UIMC1: variants seen among roughly 807,000 people sequenced by gnomAD.
The protein encoded by UIMC1 is BRCA1-A complex subunit RAP80.
Under a neutral mutation model 84.9 loss-of-function variants are expected in UIMC1, and 42 were observed. That is an observed-to-expected ratio of 0.49 (90% CI 0.39 to 0.64). The LOEUF (loss-of-function observed/expected upper bound fraction) is 0.64, where lower values mean the gene tolerates loss of function less well. Among genes scored for constraint, UIMC1 ranks in the 30% least tolerant of loss-of-function variants. The probability of loss-of-function intolerance (pLI) is 0.00; values close to 1 mark genes in which losing one functional copy is unlikely to be tolerated. For missense variants in UIMC1, 825 were observed against 847.6 expected, an observed-to-expected ratio of 0.97 and a Z score of 0.33; for synonymous variants, 281 against 293.0, an observed-to-expected ratio of 0.96 and a Z score of 0.42.
chr5:176,916,644 C>G (rs2149399714), intron 10 of UIMC1, among the ~76,000 whole-genome samples: 1 of 152,306 alleles, frequency 6.6e-6, no homozygotes, highest in South Asian at 2.1e-4. Flanking sequence ...CCACAGAAAG[C>G]ACTCAGTAAA....
chr5:177,019,140 G>A (rs1248262052), intron 1 of UIMC1, among the ~76,000 whole-genome samples: 1 of 152,174 alleles, frequency 6.6e-6, no homozygotes, highest in East Asian at 1.9e-4. Context: ...TTTTAGGCTG[G>A]TCATCTGGTT....
At chr5:176,921,963 T>C (rs557737166) in intron 10 of UIMC1, among the ~76,000 whole-genome samples, 7 of 152,310 alleles carry the variant, frequency 4.6e-5, no homozygotes, top group Non-Finnish European at 8.8e-5. Flanking sequence ...TCTAATTCAG[T>C]CATTGTGTCT....
rs369121073 is a variant in UIMC1 at position 176,984,816 on chromosome 5, A to G, written c.-8-2193T>C. ...CCCCCAACCCCGTGCTCTCTGAAAC[A>G]TGTGCTGTGTCAACTCAGGGTTAAA... On this transcript the variant is annotated intron_variant, in intron 1 of 14. Coordinates refer to ENST00000511320, the MANE Select transcript of UIMC1 (RefSeq NM_001199298.2). Among the ~76,000 whole-genome samples the G allele has an allele frequency of 8.2e-3, 1,252 of 152,336 alleles. 22 individuals are homozygous for G. Among genetic ancestry groups the G allele is most frequent in the South Asian group, 0.067 (325 of 4,822 alleles).
rs189663571 is a variant in UIMC1, at chr5:176,943,879, A to G, written c.1444-391T>C. On this transcript the variant is annotated intron_variant, in intron 9 of 14. Coordinates refer to ENST00000511320, the MANE Select transcript of UIMC1 (RefSeq NM_001199298.2). The stretch of plus-strand genomic sequence containing the variant: ...TGTAAAACAGTAAAGCAATTTGCAA[A>G]GTCACAGAACAAGTAAGTGGGAGTG... 1.3e-3 allele frequency among the ~76,000 whole-genome samples: 195 copies of G among 152,340 alleles called. 1 individual carries two copies. Among genetic ancestry groups the G allele is most frequent in the Non-Finnish European group, 1.0e-3 (70 of 68,040 alleles).
At chr5:176,986,070 A>G (rs1346947668) in intron 1 of UIMC1, among the ~76,000 whole-genome samples, 1 of 145,498 alleles carries the variant, frequency 6.9e-6, no homozygotes, top group African/African-American at 2.5e-5. Flanking sequence ...TATGCAACGT[A>G]TTTTTTTTTT....
At chr5:176,908,180 G>A (rs1759651760) in intron 12 of UIMC1, among the ~76,000 whole-genome samples, 1 of 151,652 alleles carries the variant, frequency 6.6e-6, no homozygotes, top group Non-Finnish European at 1.5e-5. Flanking sequence ...AGAGAAGGGG[G>A]GAGAGGGAGA....
chr5:176,984,900 T>C (rs1030144350), intron 1 of UIMC1, among the ~76,000 whole-genome samples: 2 of 152,158 alleles, frequency 1.3e-5, no homozygotes, highest in Non-Finnish European at 2.9e-5. Flanking sequence ...GCAGCATGCT[T>C]GTTAAGAGTC....
intron 2 of UIMC1, 87 bp from the exon 3 acceptor site, chr5:176,975,567 G>A (rs1377417662): frequency 8.0e-7 from 1 of 1,256,978 alleles, no homozygotes; most frequent in East Asian, 2.3e-5. Context: ...GGCTAAGAGA[G>A]GCCTCTGAGG....
chr5:176,950,545 G>A (rs979515706), intron 9 of UIMC1, among the ~76,000 whole-genome samples: 1 of 151,636 alleles, frequency 6.6e-6, no homozygotes, highest in Non-Finnish European at 1.5e-5. Flanking sequence ...GGAATTCCAG[G>A]TAAACTGTTT....
chr5:176,942,745 TAAAAA>T (rs1044619072), intron 10 of UIMC1, among the ~76,000 whole-genome samples: 3 of 76,130 alleles, frequency 3.9e-5, no homozygotes, highest in South Asian at 4.0e-4. Flanking sequence ...GACTCCGTCT[TAAAAA>T]AAAAAAAAAA....
intron 1 of UIMC1, among the ~76,000 whole-genome samples, chr5:177,002,427 C>T (rs971944556): frequency 5.3e-5 from 8 of 152,220 alleles, no homozygotes; most frequent in Non-Finnish European, 1.2e-4. Context: ...GGTACTTACA[C>T]GGGTGTACAC....
In UIMC1 at chr5:176,943,329, C is replaced by G. The variant is rs757983875; in HGVS notation, c.1597+6G>C. 1 of 1,613,460 alleles carries G rather than the reference C, an allele frequency of 6.2e-7. No homozygotes were observed. The highest frequency in any genetic ancestry group is 2.2e-5 in the East Asian group (1 of 44,846). On this transcript the variant is annotated splice_donor_region_variant and intron_variant, in intron 10 of 14. Transcript: ENST00000511320. ...TAAGAGTTTGGCTGTCCTGCTGGGT[C>G]TTTACCTGTATCTTCCTCCATCAGA...
At position 176,907,104 on chromosome 5, in the gene UIMC1, G is replaced by A; in HGVS notation, c.1912+10C>T. On this transcript the variant is annotated intron_variant, in intron 13 of 14. Transcript: ENST00000511320. ...GCAGAAGCCCAGAAAACTGGTCCTGGGGTCCTCACCTGAAGTCTTGTGCTC... is the reference window on the plus strand; with the variant it reads ...GCAGAAGCCCAGAAAACTGGTCCTGAGGTCCTCACCTGAAGTCTTGTGCTC... 1.9e-6 allele frequency: 3 copies of A among 1,613,554 alleles called. No homozygotes were observed. The highest frequency in any genetic ancestry group is 1.7e-6 in the Non-Finnish European group (2 of 1,179,758).
rs1291326383 is a variant in UIMC1, at chr5:176,969,295, T to C, written c.464-4A>G. ...GGAGGTACCAGCTGCCATATGCCTGTAGGTATTTGAGAAAAAGTAGGGCTA... is the reference window on the plus strand; with the variant it reads ...GGAGGTACCAGCTGCCATATGCCTGCAGGTATTTGAGAAAAAGTAGGGCTA... On this transcript the variant is annotated splice_region_variant and splice_polypyrimidine_tract_variant and intron_variant, in intron 5 of 14. Coordinates refer to ENST00000511320, the MANE Select transcript of UIMC1 (RefSeq NM_001199298.2). 2.5e-6 allele frequency: 4 copies of C among 1,594,800 alleles called. No individual in the cohort carries two copies. The highest frequency in any genetic ancestry group is 3.4e-6 in the Non-Finnish European group (4 of 1,172,678).
intron 9 of UIMC1, among the ~76,000 whole-genome samples, chr5:176,947,743 G>A (rs576079413): frequency 3.9e-5 from 6 of 151,976 alleles, no homozygotes; most frequent in East Asian, 1.9e-4. Context: ...ATGTGAACCC[G>A]GGAGGTGGAG....
chr5:177,011,639 A>C (rs1376334790), upstream of UIMC1, among the ~76,000 whole-genome samples: 1 of 152,054 alleles, frequency 6.6e-6, no homozygotes, highest in Non-Finnish European at 1.5e-5. Flanking sequence ...ACATATGGGA[A>C]AATCTTCATG....
At chr5:176,979,173 T>C (rs1770614605) in intron 2 of UIMC1, among the ~76,000 whole-genome samples, 1 of 152,198 alleles carries the variant, frequency 6.6e-6, no homozygotes, top group African/African-American at 2.4e-5. Context: ...ACCTGGGGAA[T>C]GGAGAGATTA....
intron 1 of UIMC1, chr5:177,002,199 G>A (rs1280304752): frequency 2.0e-5 from 3 of 151,984 alleles, no homozygotes; most frequent in African/African-American, 4.8e-5. Context: ...GAAGGCTGAG[G>A]AGAAGGGATC....
intron 6 of UIMC1, among the ~76,000 whole-genome samples, chr5:176,959,620 G>A (rs1388463843): frequency 6.0e-5 from 9 of 149,674 alleles, no homozygotes; most frequent in Non-Finnish European, 1.0e-4. Context: ...GGAGGCTGAG[G>A]CAGGAGAATG....
Sources: gnomAD v4.1 joint callset for allele counts (sites outside exome capture counted in the v4.1 genomes callset) on GRCh38, gnomAD v4.1.1 for gene constraint, MANE v1.5 for transcripts, NCBI Gene and HGNC (gene_info 2026-07-23, HGNC 2026-07-21) for gene names.